The following PRX variants were observed in gnomAD, a reference collection of about 807,000 sequenced individuals.
The protein encoded by PRX is periaxin.
Under a neutral mutation model 29.6 loss-of-function variants are expected in PRX, and 24 were observed. The observed-to-expected ratio is 0.81, with a 90% CI of 0.59 to 1.14. PRX has a LOEUF of 1.14. Ranked by LOEUF, PRX falls within the 50% of genes most tolerant of loss-of-function variation. PRX has a pLI of 0.00. For synonymous variants in PRX, 772 were observed against 831.7 expected, an observed-to-expected ratio of 0.93 and a Z score of 1.24; for missense variants, 1,838 against 1,926.4, an observed-to-expected ratio of 0.95 and a Z score of 0.86.
chr19:40,397,720 GC>G lies in PRX; in HGVS notation c.631del (p.Ala211LeufsTer102). 6.4e-7 allele frequency: 1 copy of G among 1,559,612 alleles called. No homozygotes were observed. Among genetic ancestry groups the G allele is most frequent in the Non-Finnish European group, 8.6e-7 (1 of 1,156,174 alleles). On this transcript the variant is annotated frameshift_variant, in exon 7 of 7. Transcript: ENST00000324001. LOFTEE classifies it low-confidence loss of function (END_TRUNC). ...CACCTTGGCTTTCCTGGGGGGAGGA[GC>G]GGCGGCGGCCAGCCGGGCTGCCTGA... The part of the protein sequence containing the change: ...EAQAARLAAA[A>X]PPPRKAKVEA...
At position 40,399,875 on chromosome 19, in the gene PRX, C is replaced by CTTTCTTTCTT. The variant is rs1568711621; in HGVS notation, c.185-1069_185-1060dup. On this transcript the variant is annotated intron_variant, in intron 5 of 6. Transcript: ENST00000324001. ...CCTTTCTTTCTTTCTTTCTTTCTTT[C>CTTTCTTTCTT]TTTCTTTCTTTCTTTCTTTCTTTCT... 4.2e-5 allele frequency among the ~76,000 whole-genome samples: 3 copies of CTTTCTTTCTT among 71,684 alleles called. No homozygotes were observed. The East Asian group carries it at 7.1e-4, about 17-fold the overall frequency. 47.0% of individuals were successfully genotyped at this position (71,684 alleles called of 152,430 possible). A position where few individuals can be genotyped will look rare whatever the true frequency, so the allele number is the denominator to read the frequency against.
chr19:40,399,879 CTTTCTTTCTTTCTTTCTTTCTTTCTT>C (rs1323230120), intron 5 of PRX, among the ~76,000 whole-genome samples: 2,345 of 71,910 alleles, frequency 0.033, 56 homozygotes, highest in African/African-American at 0.15. Flanking sequence ...TTCTTTCTTT[CTTTCTTTCTTTCTTTCTTTCTTTCTT>C]TTTCTTTCTT....
At chr19:40,399,850 C>CCTTTCTTTCTTTCTTT (rs59315819) in intron 5 of PRX, among the ~76,000 whole-genome samples, 3,916 of 119,536 alleles carry the variant, frequency 0.033, 147 homozygotes, top group East Asian at 0.1. Flanking sequence ...AGCTTTCTTT[C>CCTTTCTTTCTTTCTTT]CTTTCTTTCT....
At chr19:40,409,339 G>A (rs1056846646) in intron 1 of PRX, among the ~76,000 whole-genome samples, 3 of 151,912 alleles carry the variant, frequency 2.0e-5, no homozygotes, top group Non-Finnish European at 4.4e-5. Flanking sequence ...CAGTTATGTT[G>A]TCTATAAAAT....
Position 40,396,706 on chromosome 19 carries a change from G to C in PRX, c.1646C>G (p.Pro549Arg), listed in dbSNP as rs150582069. The change falls in exon 7 of 7, where the codon CCG becomes CGG. Residue 549 changes from proline (P) to arginine (R), a missense_variant. By Grantham distance (103) the Pro-to-Arg change is moderately radical. This residue lies in a region of PRX where 1,143 missense variants were observed against 1,193.0 expected (regional missense o/e 0.96). Transcript: ENST00000324001. ...TGGGAGTTTCATCTCTGACACTTTC[G>C]GCAGCTGTACCTCTGGAAGCCGCAC... Reference protein sequence around the residue: ...PEVRLPEVQLPKVSEMKLPEV... With the variant: ...PEVRLPEVQLRKVSEMKLPEV... The C allele has an allele frequency of 6.2e-7, 1 of 1,613,174 alleles. No homozygotes were observed. The highest frequency in any genetic ancestry group is 1.7e-5 in the Admixed American group (1 of 59,952).
intron 4 of PRX, among the ~76,000 whole-genome samples, chr19:40,404,431 G>GT (rs1555802255): frequency 7.2e-5 from 11 of 151,872 alleles, no homozygotes; most frequent in African/African-American, 2.4e-4. Flanking sequence ...GGCTGGGGGG[G>GT]GTTGGTGCGG....
At position 40,393,817 on chromosome 19, in the gene PRX, T is replaced by C; in HGVS notation, c.*149A>G. The C allele has an allele frequency of 8.1e-7, 1 of 1,234,398 alleles. No individual in the cohort carries two copies. Among genetic ancestry groups the C allele is most frequent in the Non-Finnish European group, 1.1e-6 (1 of 876,306 alleles). The allele number at this position is 1,234,398 out of a possible 1,614,324, so 76.5% of individuals were successfully genotyped here. On this transcript the variant is annotated 3_prime_UTR_variant, in exon 7 of 7. Coordinates refer to ENST00000324001, the MANE Select transcript of PRX (RefSeq NM_181882.3). ...TGGCTTGGTGGGGTACAGGCACTCC[T>C]GCCAGAGAGACAGGAGCAGGCCTCC...
rs551830109 is a variant in PRX at position 40,394,423 on chromosome 19, C to G, written c.3929G>C (p.Arg1310Pro). 1 of 1,600,794 alleles carries G rather than the reference C, an allele frequency of 6.2e-7. No homozygotes were observed. The highest frequency in any genetic ancestry group is 1.7e-5 in the Admixed American group (1 of 58,512). ...AGHKLKVRLP[R>P]FGLVRAKEGA... ...CTCCTTGGCCCGCACCAGGCCAAAC[C>G]GGGGCAGCCGTACCTTGAGCTTGTG... Residue 1310 changes from arginine (R) to proline (P), a missense_variant, in exon 7 of 7, where the codon CGG (arginine) becomes CCG (proline). Arg to Pro is a moderately radical substitution (Grantham distance 103). Transcript: ENST00000324001. The surrounding 1 kb of genome is among the most constrained non-coding windows in gnomAD (Gnocchi z 5.8).
rs1393569082 is a variant in PRX at position 40,395,200 on chromosome 19, C to T, written c.3152G>A (p.Gly1051Asp). The change falls in exon 7 of 7, where the codon GGC becomes GAC. Residue 1051 changes from glycine (G) to aspartate (D), a missense_variant. Transcript: ENST00000324001. ...GGGCATCTTCACCCTCCCATCCCAG[C>T]CCCAGCCCTTGCCCTCCAACTCAGC... The part of the protein sequence containing the change: ...GVAELEGKGW[G>D]WDGRVKMPKL... 1 of 1,614,164 alleles carries T rather than the reference C, an allele frequency of 6.2e-7. No individual in the cohort carries two copies. Among genetic ancestry groups the T allele is most frequent in the South Asian group, 1.1e-5 (1 of 91,086 alleles).
chr19:40,398,823 G>A lies in PRX; in HGVS notation c.185-7C>T, dbSNP rs1249476628. 15 of 1,613,840 alleles carry A rather than the reference G, an allele frequency of 9.3e-6. No homozygotes were observed. In the African/African-American group the frequency reaches 2.0e-4, roughly 22 times the overall value. On this transcript the variant is annotated splice_region_variant and splice_polypyrimidine_tract_variant and intron_variant, in intron 5 of 6. Coordinates refer to ENST00000324001, the MANE Select transcript of PRX (RefSeq NM_181882.3). This position sits in a 1 kb window ranked among gnomAD's most constrained non-coding sequence, Gnocchi z 6.3. ...GCACTCAGCAGCTGGTCCCCTGCGG[G>A]CGAGGTGGAGGTGCGCAGCACGTGG...
chr19:40,411,064 G>T (rs1473638352), intron 1 of PRX, among the ~76,000 whole-genome samples: 1 of 152,174 alleles, frequency 6.6e-6, no homozygotes, highest in Non-Finnish European at 1.5e-5. Context: ...CACCCTAGAT[G>T]TTGTGGCTGT....
chr19:40,398,655 C>G lies in PRX; in HGVS notation c.346G>C (p.Glu116Gln). Reference protein sequence around the residue: ...ALRPGTVSGYEIKGPRAKVAK... With the variant: ...ALRPGTVSGYQIKGPRAKVAK... ...ACCTTGGCCCGCGGGCCCTTGATCT[C>G]GTAGCCAGACACGGTCCCGGGCCGC... The change falls in exon 6 of 7, where the codon GAG becomes CAG. Residue 116 changes from glutamate to glutamine, a missense_variant. Physicochemically the swap from Glu to Gln is conservative, Grantham distance 29 (BLOSUM62 2). Transcript: ENST00000324001. The surrounding 1 kb of genome is among the most constrained non-coding windows in gnomAD (Gnocchi z 6.3). The G allele has an allele frequency of 6.2e-7, 1 of 1,613,882 alleles. No individual in the cohort carries two copies. Among genetic ancestry groups the G allele is most frequent in the South Asian group, 1.1e-5 (1 of 91,078 alleles).
rs2079420549 is a variant in PRX at position 40,395,184 on chromosome 19, C to T, written c.3168G>A (p.Val1056=). The T allele has an allele frequency of 1.2e-6, 2 of 1,614,164 alleles. No individual in the cohort carries two copies. Among genetic ancestry groups the T allele is most frequent in the Non-Finnish European group, 8.5e-7 (1 of 1,180,018 alleles). Residue 1056 remains valine (V), a synonymous_variant, in exon 7 of 7, where the codon GTG becomes GTA. Transcript: ENST00000324001. ...EGKGWGWDGR[V]KMPKLKMPSF... is the part of the protein sequence containing the mutation. ...AAGGCATCTTCAGCTTGGGCATCTT[C>T]ACCCTCCCATCCCAGCCCCAGCCCT...
chr19:40,402,573 C>A (rs1428120260), intron 5 of PRX, among the ~76,000 whole-genome samples: 1 of 148,216 alleles, frequency 6.7e-6, no homozygotes, highest in Non-Finnish European at 1.5e-5. Flanking sequence ...AGATCGAGAC[C>A]ATCCTGGCTA....
chr19:40,399,039 C>A (rs952518913), intron 5 of PRX, among the ~76,000 whole-genome samples: 2 of 152,166 alleles, frequency 1.3e-5, no homozygotes, highest in Non-Finnish European at 2.9e-5. Flanking sequence ...GCCACGCCCG[C>A]ACCTTGTCGC....
At chr19:40,403,034 G>A (rs2079507176) in intron 5 of PRX, among the ~76,000 whole-genome samples, 1 of 151,946 alleles carries the variant, frequency 6.6e-6, no homozygotes, top group Middle Eastern at 3.2e-3. Context: ...GCCGGGCGTG[G>A]TGGAGGGGAC....
intron 4 of PRX, 90 bp from the exon 5 acceptor site, chr19:40,403,952 T>A: frequency 7.4e-7 from 1 of 1,352,852 alleles, no homozygotes; most frequent in Non-Finnish European, 1.0e-6. Flanking sequence ...CTCATATACA[T>A]ATATATGTTT....
Position 40,398,393 on chromosome 19 carries a change from T to TG in PRX, c.381+226dup. ...CCCCTAGCAAGCCTGGATCCGATGGTGGGGACGCCTCTCCGAGGTGGGTGA... is the reference window on the plus strand; with the variant it reads ...CCCCTAGCAAGCCTGGATCCGATGGTGGGGGACGCCTCTCCGAGGTGGGTGA... On this transcript the variant is annotated intron_variant, in intron 6 of 6. Transcript: ENST00000324001. This position sits in a 1 kb window ranked among gnomAD's most constrained non-coding sequence, Gnocchi z 6.3. 6.9e-7 allele frequency: 1 copy of TG among 1,454,574 alleles called. No homozygotes were observed. The highest frequency in any genetic ancestry group is 1.4e-5 in the African/African-American group (1 of 70,536). 90.1% of individuals were successfully genotyped at this position (1,454,574 alleles called of 1,614,324 possible).
At chr19:40,401,487 GC>G (rs1568712989) in intron 5 of PRX, among the ~76,000 whole-genome samples, 1 of 152,128 alleles carries the variant, frequency 6.6e-6, no homozygotes, top group Non-Finnish European at 1.5e-5. Context: ...CAGCAGTTCA[GC>G]ACAGTCAATT....
Sources: allele counts gnomAD v4.1 joint callset (sites outside exome capture counted in the v4.1 genomes callset), GRCh38; gene constraint gnomAD v4.1.1; regional missense constraint gnomAD v4.1.1; non-coding constraint Gnocchi (gnomAD v3.1); transcripts MANE v1.5; gene names NCBI Gene and HGNC (gene_info 2026-07-23, HGNC 2026-07-21).